Variants in TEX26 observed in about 807,000 individuals in gnomAD.
TEX26 encodes the protein testis-expressed protein 26.
In TEX26, 34 loss-of-function variants were observed where a neutral mutation model predicts 35.3. That is an observed-to-expected ratio of 0.96 (90% CI 0.73 to 1.28). The LOEUF (loss-of-function observed/expected upper bound fraction) is 1.28. TEX26 is among the 50% of genes most tolerant of loss of function. The probability of loss-of-function intolerance (pLI) is 0.00; values close to 1 mark genes in which losing one functional copy is unlikely to be tolerated. For synonymous variants in TEX26, 136 were observed against 111.8 expected, an observed-to-expected ratio of 1.22 and a Z score of -1.36; for missense variants, 371 against 330.1, an observed-to-expected ratio of 1.12 and a Z score of -0.96.
intron 5 of TEX26, among the ~76,000 whole-genome samples, 178 bp from the exon 6 acceptor site, chr13:30,968,707 C>T (rs908342167): frequency 3.3e-5 from 5 of 152,152 alleles, no homozygotes; most frequent in Non-Finnish European, 7.4e-5. Context: ...CTCTGCTCAG[C>T]CCTGGTCATT....
chr13:30,959,702 T>G (rs1256511112), intron 4 of TEX26, among the ~76,000 whole-genome samples: 2 of 152,150 alleles, frequency 1.3e-5, no homozygotes, highest in Non-Finnish European at 2.9e-5. Context: ...CTTACCAAAA[T>G]TTTTTCCAAA....
intron 2 of TEX26, among the ~76,000 whole-genome samples, chr13:30,950,236 T>A (rs1262429626): frequency 6.6e-6 from 1 of 152,180 alleles, no homozygotes; most frequent in African/African-American, 2.4e-5. Context: ...TGAAACCCTG[T>A]CTTTACTAAA....
chr13:30,934,611 T>C (rs1048185841), intron 1 of TEX26, among the ~76,000 whole-genome samples: 2 of 152,150 alleles, frequency 1.3e-5, no homozygotes, highest in African/African-American at 2.4e-5. Flanking sequence ...CAGGTAGCCA[T>C]CGGCACTGCT....
intron 4 of TEX26, among the ~76,000 whole-genome samples, chr13:30,963,305 G>C (rs920716848): frequency 1.3e-5 from 2 of 152,116 alleles, no homozygotes; most frequent in Non-Finnish European, 2.9e-5. Context: ...GGAACCCTGG[G>C]GGGAGGCGTC....
intron 4 of TEX26, among the ~76,000 whole-genome samples, chr13:30,963,798 T>A (rs1347664748): frequency 1.3e-5 from 2 of 152,212 alleles, no homozygotes; most frequent in African/African-American, 4.8e-5. Flanking sequence ...GTGTTATGGT[T>A]GTAAGGCTCA....
chr13:30,973,697 G>A (rs1954784440), intron 6 of TEX26, among the ~76,000 whole-genome samples: 1 of 152,068 alleles, frequency 6.6e-6, no homozygotes, highest in Non-Finnish European at 1.5e-5. Flanking sequence ...TGATCTATGG[G>A]CCTCCACTGG....
intron 2 of TEX26, among the ~76,000 whole-genome samples, chr13:30,950,426 T>A (rs1953877174): frequency 6.6e-6 from 1 of 152,106 alleles, no homozygotes; most frequent in South Asian, 2.1e-4. Context: ...GTAGTCAGCA[T>A]GACCAATCTG....
chr13:30,932,958 T>C, intron 1 of TEX26, 182 bp downstream of exon 1: 3 of 597,204 alleles, frequency 5.0e-6, no homozygotes, highest in Non-Finnish European at 8.5e-6. Flanking sequence ...GCTGCCCCTT[T>C]TCAGTCCTTC....
chr13:30,948,189 G>A (rs9603772), intron 2 of TEX26, among the ~76,000 whole-genome samples: 14,647 of 152,050 alleles, frequency 0.096, 759 homozygotes, highest in Non-Finnish European at 0.11. Flanking sequence ...GAATAGTGCC[G>A]CAATAAACAT....
At chr13:30,957,587 A>C (rs1347145118) in intron 4 of TEX26, among the ~76,000 whole-genome samples, 1 of 152,156 alleles carries the variant, frequency 6.6e-6, no homozygotes, top group Non-Finnish European at 1.5e-5. Flanking sequence ...TGAAGAATGG[A>C]GATGGCCCTT....
intron 1 of TEX26, chr13:30,933,051 G>A: frequency 2.8e-6 from 1 of 355,188 alleles, no homozygotes; most frequent in Non-Finnish European, 5.1e-6. Context: ...AGAGGGGACA[G>A]GAAAAAAGGA....
intron 4 of TEX26, among the ~76,000 whole-genome samples, chr13:30,960,571 C>T (rs1010773660): frequency 6.6e-6 from 1 of 152,144 alleles, no homozygotes; most frequent in South Asian, 2.1e-4. Flanking sequence ...TTTAATCTAG[C>T]TCTTCATTAA....
At chr13:30,937,081 T>G in intron 1 of TEX26, 1 of 796,386 alleles carries the variant, frequency 1.3e-6, no homozygotes, top group South Asian at 5.7e-5. Flanking sequence ...TCCAAGCAGG[T>G]TAGGATTAGG....
chr13:30,964,473 G>A (rs1448300446), intron 4 of TEX26, among the ~76,000 whole-genome samples: 1 of 152,198 alleles, frequency 6.6e-6, no homozygotes, highest in Non-Finnish European at 1.5e-5. Context: ...TTGGCAAATA[G>A]CACAGAACTG....
At chr13:30,968,810 T>C in intron 5 of TEX26, 75 bp from the exon 6 acceptor site, 1 of 1,461,880 alleles carries the variant, frequency 6.8e-7, no homozygotes, top group Non-Finnish European at 9.3e-7. Flanking sequence ...CAGGGTCATT[T>C]TCAAACAATA....
chr13:30,956,710 G>A (rs1954144734), intron 3 of TEX26, among the ~76,000 whole-genome samples, 163 bp from the exon 4 acceptor site: 1 of 152,190 alleles, frequency 6.6e-6, no homozygotes, highest in African/African-American at 2.4e-5. Flanking sequence ...TTTCGACTGG[G>A]TCAACCAATG....
At chr13:30,939,580 G>C in intron 1 of TEX26, 114 bp from the exon 2 acceptor site, 1 of 912,648 alleles carries the variant, frequency 1.1e-6, no homozygotes. Context: ...AGACTCTAAA[G>C]ATAAACCATC....
At position 30,966,277 on chromosome 13, in the gene TEX26, C is replaced by T; in HGVS notation, c.525C>T (p.Pro175=). The T allele has an allele frequency of 1.9e-6, 3 of 1,614,048 alleles. No homozygotes were observed. The highest frequency in any genetic ancestry group is 2.5e-6 in the Non-Finnish European group (3 of 1,180,008). The part of the protein sequence containing the change: ...HLSLEWKKLL[P]QPPDTEFRRN... ...CTCTGGAATGGAAAAAGTTACTTCC[C>T]CAACCTCCAGACACTGAATTCCGAA... The change falls in exon 5 of 7, where the codon CCC becomes CCT. Residue 175 remains proline, a synonymous_variant. Coordinates refer to ENST00000380473, the MANE Select transcript of TEX26 (RefSeq NM_152325.3).
Position 30,975,014 on chromosome 13 carries a change from C to A in TEX26, c.*107C>A. 2 of 718,078 alleles carry A rather than the reference C, an allele frequency of 2.8e-6. No individual in the cohort carries two copies. The highest frequency in any genetic ancestry group is 4.4e-6 in the Non-Finnish European group (2 of 449,844). 44.5% of individuals were successfully genotyped at this position (718,078 alleles called of 1,614,324 possible). On this transcript the variant is annotated 3_prime_UTR_variant, in exon 7 of 7. Coordinates refer to ENST00000380473, the MANE Select transcript of TEX26 (RefSeq NM_152325.3). ...AGGAAAAATAAGATGCAAATAGCTT[C>A]AAGTATGATGTGATAGTCATGAATT...
Sources: gnomAD v4.1 joint callset for allele counts (sites outside exome capture counted in the v4.1 genomes callset) on GRCh38, gnomAD v4.1.1 for gene constraint, MANE v1.5 for transcripts, NCBI Gene and HGNC (gene_info 2026-07-23, HGNC 2026-07-21) for gene names.